The following SEPSECS variants were observed in gnomAD, a reference collection of about 807,000 sequenced individuals.
The protein encoded by SEPSECS is Sep (O-phosphoserine) tRNA:Sec (selenocysteine) tRNA synthase, also known as O-phosphoseryl-tRNA(Sec) selenium transferase.
SEPSECS carries 42 observed loss-of-function variants against 52.1 expected under a neutral mutation model. That is an observed-to-expected ratio of 0.81 (90% confidence interval 0.63 to 1.04). SEPSECS has a LOEUF of 1.04. Ranked by LOEUF, SEPSECS falls within the 50% of genes least tolerant of loss-of-function variation. SEPSECS has a pLI of 0.00. For missense variants in SEPSECS, 590 were observed against 610.6 expected (o/e 0.97, Z 0.36); for synonymous variants, 216 against 211.4 (o/e 1.02, Z -0.19).
rs775656555 is a variant in SEPSECS at position 25,159,063 on chromosome 4, G to A, written c.159C>T (p.Leu53=). Reference sequence around the variant, plus strand: ...CCATGATTGCAAGTTCATGTAAAAAGAGTTCAAGTGTACTTTCATCCCAGC... The same window carrying A: ...CCATGATTGCAAGTTCATGTAAAAAAAGTTCAAGTGTACTTTCATCCCAGC... ...ENGWDESTLE[L]FLHELAIMDS... The change falls in exon 2 of 11, where the codon CTC becomes CTT. Residue 53 remains leucine (L), a synonymous_variant. Transcript: ENST00000382103. 6 of 1,611,606 alleles carry A rather than the reference G, an allele frequency of 3.7e-6. No individual in the cohort carries two copies. In the South Asian group the frequency reaches 5.5e-5, roughly 15 times the overall value.
chr4:25,121,566 G>C lies in SEPSECS; in HGVS notation c.*2365C>G, dbSNP rs935848731. Reference sequence around the variant, plus strand: ...ACATCCTTTTTAATACTTATGTGTAGAAATGGGAGTGAGTGAAAATGACAC... The same window carrying C: ...ACATCCTTTTTAATACTTATGTGTACAAATGGGAGTGAGTGAAAATGACAC... On this transcript the variant is annotated 3_prime_UTR_variant, in exon 11 of 11. Coordinates refer to ENST00000382103, the MANE Select transcript of SEPSECS (RefSeq NM_016955.4). The C allele has an allele frequency of 2.0e-5, 3 of 152,164 alleles. No individual in the cohort carries two copies. The highest frequency in any genetic ancestry group is 4.8e-5 in the African/African-American group (2 of 41,448). The allele number at this position is 152,164 out of a possible 1,614,324, so 9.4% of individuals were successfully genotyped here.
Position 25,145,987 on chromosome 4 carries a change from C to G in SEPSECS, c.805-854G>C, listed in dbSNP as rs1357932646. 2.0e-5 allele frequency among the ~76,000 whole-genome samples: 3 copies of G among 152,276 alleles called. No homozygotes were observed. In the East Asian group the frequency reaches 5.8e-4, roughly 29 times the overall value. On this transcript the variant is annotated intron_variant, in intron 6 of 10. Transcript: ENST00000382103. ...ATTTCATTCCACTGCAAATGAACTT[C>G]CAGTGAAAATCTAATATTCCGGTGA...
chr4:25,154,809 C>T (rs537654975), intron 5 of SEPSECS, among the ~76,000 whole-genome samples, 189 bp downstream of exon 5: 1 of 152,238 alleles, frequency 6.6e-6, no homozygotes, highest in African/African-American at 2.4e-5. Context: ...AATTGTTTTT[C>T]CTTGTTATAT....
intron 8 of SEPSECS, among the ~76,000 whole-genome samples, chr4:25,142,489 A>G (rs1711629628): frequency 6.6e-6 from 1 of 152,220 alleles, no homozygotes. Context: ...AAGAGCAAGT[A>G]TCTTTATCTA....
rs1167542256 is a variant in SEPSECS, at chr4:25,155,939, AAG to A, written c.547+96_547+97del. The A allele has an allele frequency of 5.2e-6, 6 of 1,155,930 alleles. No individual in the cohort carries two copies. The South Asian group carries it at 8.3e-5, about 16-fold the overall frequency. The allele number at this position is 1,155,930 out of a possible 1,614,324, so 71.6% of individuals were successfully genotyped here. A position where few individuals can be genotyped will look rare whatever the true frequency, so the allele number is the denominator to read the frequency against. On this transcript the variant is annotated intron_variant, in intron 4 of 10. Transcript: ENST00000382103. ...TTTTTCTTTTAAAAAAGCAATAGGG[AAG>A]AGAGTTAGTTTATTTTTCATTTATC...
Position 25,152,074 on chromosome 4 carries a change from A to T in SEPSECS, c.702-12T>A. The T allele has an allele frequency of 2.9e-6, 4 of 1,389,900 alleles. No homozygotes were observed. The highest frequency in any genetic ancestry group is 4.1e-6 in the Non-Finnish European group (4 of 975,682). 86.1% of individuals were successfully genotyped at this position (1,389,900 alleles called of 1,614,324 possible). On this transcript the variant is annotated splice_polypyrimidine_tract_variant and intron_variant, in intron 5 of 10. Transcript: ENST00000382103. ...CCAGTTCTTCTAATCTATAAACATA[A>T]ATATTCAATAGAAAGACATACTCAC...
intron 8 of SEPSECS, among the ~76,000 whole-genome samples, chr4:25,129,313 CT>C (rs1728516660): frequency 6.6e-6 from 1 of 151,930 alleles, no homozygotes; most frequent in African/African-American, 2.4e-5. Flanking sequence ...AAAAAAGCAT[CT>C]TTTCTTAGAC....
chr4:25,159,252 G>C (rs1040428851), intron 1 of SEPSECS, 145 bp from the exon 2 acceptor site: 30 of 690,068 alleles, frequency 4.3e-5, no homozygotes, highest in Non-Finnish European at 5.6e-5. Context: ...CCACTGTATA[G>C]AGACCGCAAA....
chr4:25,134,646 T>C (rs1490527130), intron 8 of SEPSECS, among the ~76,000 whole-genome samples: 1 of 152,200 alleles, frequency 6.6e-6, no homozygotes, highest in African/African-American at 2.4e-5. Context: ...CTCAGTTTAA[T>C]TTGCTAATTA....
At chr4:25,131,565 C>T (rs367553637) in intron 8 of SEPSECS, among the ~76,000 whole-genome samples, 33 of 152,194 alleles carry the variant, frequency 2.2e-4, no homozygotes, top group South Asian at 2.1e-4. Flanking sequence ...AGAGGCTACA[C>T]CCATCTGCAT....
chr4:25,124,721 G>T (rs1035147898), intron 10 of SEPSECS, among the ~76,000 whole-genome samples: 1 of 152,058 alleles, frequency 6.6e-6, no homozygotes, highest in Non-Finnish European at 1.5e-5. Context: ...CTAACTATCT[G>T]ATCAGTGCTA....
intron 8 of SEPSECS, among the ~76,000 whole-genome samples, chr4:25,132,524 C>A (rs888915102): frequency 1.3e-5 from 2 of 152,120 alleles, no homozygotes; most frequent in Non-Finnish European, 2.9e-5. Flanking sequence ...TACATATATG[C>A]AATTATGGTT....
At chr4:25,155,977 T>G in intron 4 of SEPSECS, 60 bp downstream of exon 4, 1 of 1,469,212 alleles carries the variant, frequency 6.8e-7, no homozygotes, top group Non-Finnish European at 9.5e-7. Flanking sequence ...TATCTTTATA[T>G]AAGAAATCTG....
chr4:25,132,210 G>C (rs1350397214), intron 8 of SEPSECS, among the ~76,000 whole-genome samples: 5 of 152,210 alleles, frequency 3.3e-5, no homozygotes, highest in Non-Finnish European at 7.3e-5. Flanking sequence ...TGAAGAGATA[G>C]AGCTAGATGA....
chr4:25,125,585 G>A (rs746477884), intron 10 of SEPSECS, 109 bp downstream of exon 10: 6 of 746,060 alleles, frequency 8.0e-6, no homozygotes, highest in South Asian at 4.4e-5. Flanking sequence ...TGATGAATTC[G>A]CAGGTATAGT....
intron 8 of SEPSECS, among the ~76,000 whole-genome samples, chr4:25,132,422 C>A (rs1321462103): frequency 6.6e-6 from 1 of 152,088 alleles, no homozygotes; most frequent in Non-Finnish European, 1.5e-5. Flanking sequence ...TAAACTATCA[C>A]AATTAAATTT....
At chr4:25,129,405 C>A (rs1728520663) in intron 8 of SEPSECS, among the ~76,000 whole-genome samples, 1 of 151,788 alleles carries the variant, frequency 6.6e-6, no homozygotes, top group African/African-American at 2.4e-5. Flanking sequence ...AGGTGGATCA[C>A]CTGAGGTCAG....
rs564521309 is a variant in SEPSECS, at chr4:25,122,028, T to G, written c.*1903A>C. The G allele has an allele frequency of 1.3e-5, 2 of 152,304 alleles. No homozygotes were observed. The highest frequency in any genetic ancestry group is 4.1e-4 in the South Asian group (2 of 4,832). 9.4% of individuals were successfully genotyped at this position (152,304 alleles called of 1,614,324 possible). Reference sequence around the variant, plus strand: ...TGCAACAACATTTCAATCCCTTTTTTGACTCTAGAGGTTGCAACTCTTCAG... The same window carrying G: ...TGCAACAACATTTCAATCCCTTTTTGGACTCTAGAGGTTGCAACTCTTCAG... On this transcript the variant is annotated 3_prime_UTR_variant, in exon 11 of 11. Coordinates refer to ENST00000382103, the MANE Select transcript of SEPSECS (RefSeq NM_016955.4).
intron 8 of SEPSECS, among the ~76,000 whole-genome samples, chr4:25,144,112 G>C (rs1344622679): frequency 6.6e-6 from 1 of 151,948 alleles, no homozygotes; most frequent in Non-Finnish European, 1.5e-5. Flanking sequence ...AGGCTGAGGC[G>C]GGTGGATCAC....
Sources: allele counts gnomAD v4.1 joint callset (sites outside exome capture counted in the v4.1 genomes callset), GRCh38; gene constraint gnomAD v4.1.1; transcripts MANE v1.5; gene names NCBI Gene and HGNC (gene_info 2026-07-23, HGNC 2026-07-21).